DAB1: variants seen among roughly 807,000 people sequenced by gnomAD.
DAB1 encodes disabled homolog 1.
In DAB1, 15 loss-of-function variants were observed where a neutral mutation model predicts 64.6. The ratio of observed to expected loss-of-function variants is 0.23; its 90% CI spans 0.16 to 0.36. The LOEUF is 0.36. Among genes scored for constraint, DAB1 ranks in the 10% least tolerant of loss-of-function variants. The pLI, the probability that DAB1 is intolerant of heterozygous loss-of-function variation, is 1.00. For missense variants in DAB1, 596 were observed against 706.7 expected, an observed-to-expected ratio of 0.84 and a Z score of 1.78; for synonymous variants, 235 against 251.9, an observed-to-expected ratio of 0.93 and a Z score of 0.64.
intron 3 of DAB1, among the ~76,000 whole-genome samples, chr1:58,456,416 G>T (rs1346932794): frequency 6.6e-6 from 1 of 152,200 alleles, no homozygotes; most frequent in Non-Finnish European, 1.5e-5. Flanking sequence ...GATGAAGTAG[G>T]TTCTTTGTAA....
intron 6 of DAB1, among the ~76,000 whole-genome samples, chr1:57,817,932 C>T (rs761450133): frequency 6.6e-6 from 1 of 152,158 alleles, no homozygotes; most frequent in Non-Finnish European, 1.5e-5. Flanking sequence ...TTAGGGAGGG[C>T]TTCAATGCGT....
chr1:57,559,025 A>G (rs1199045090), intron 7 of DAB1, among the ~76,000 whole-genome samples: 4 of 152,190 alleles, frequency 2.6e-5, no homozygotes, highest in African/African-American at 9.6e-5. Flanking sequence ...CAGCTACAAA[A>G]TTTAAATACA....
At chr1:57,115,043 C>A (rs1469713645) in intron 4 of DAB1, among the ~76,000 whole-genome samples, 1 of 152,162 alleles carries the variant, frequency 6.6e-6, no homozygotes, top group Non-Finnish European at 1.5e-5. Context: ...ATCCTCAACA[C>A]ACCCTAGTGC....
At chr1:58,458,830 CA>C (rs763488719) in intron 3 of DAB1, among the ~76,000 whole-genome samples, 3,554 of 142,978 alleles carry the variant, frequency 0.025, 125 homozygotes, top group African/African-American at 0.08. Flanking sequence ...AACAAACAAA[CA>C]AAAAAAAAAA....
intron 1 of DAB1, chr1:57,880,867 T>G (rs914600240): frequency 6.6e-6 from 1 of 152,214 alleles, no homozygotes; most frequent in African/African-American, 2.4e-5. Context: ...TCTTTTGAAA[T>G]TGTACATTTT....
At chr1:57,885,520 T>C (rs565388514), upstream of DAB1, among the ~76,000 whole-genome samples, 1 of 152,274 alleles carries the variant, frequency 6.6e-6, no homozygotes, top group South Asian at 2.1e-4. Context: ...GAGAGACCAG[T>C]TCTTTCTATT....
At chr1:57,222,988 G>A (rs994717540) in intron 2 of DAB1, among the ~76,000 whole-genome samples, 1 of 152,142 alleles carries the variant, frequency 6.6e-6, no homozygotes, top group Non-Finnish European at 1.5e-5. Context: ...GGTCATTAGG[G>A]CACCTTGCCT....
At chr1:57,375,234 A>G (rs1459455015) in intron 1 of DAB1, among the ~76,000 whole-genome samples, 1 of 152,154 alleles carries the variant, frequency 6.6e-6, no homozygotes, top group Non-Finnish European at 1.5e-5. Context: ...CTCATTGAAA[A>G]TGAGTTCTTA....
intron 6 of DAB1, among the ~76,000 whole-genome samples, chr1:57,784,436 G>A (rs1442105885): frequency 6.6e-6 from 1 of 152,030 alleles, no homozygotes; most frequent in Non-Finnish European, 1.5e-5. Flanking sequence ...TAGGTATCTT[G>A]TACTAAACAG....
intron 7 of DAB1, among the ~76,000 whole-genome samples, chr1:57,576,959 C>T (rs1318676041): frequency 2.0e-5 from 3 of 152,138 alleles, no homozygotes; most frequent in Non-Finnish European, 2.9e-5. Flanking sequence ...CTCACCTCTA[C>T]GTGAACCTGA....
At chr1:58,375,823 T>C (rs1207993077) in intron 3 of DAB1, among the ~76,000 whole-genome samples, 1 of 146,514 alleles carries the variant, frequency 6.8e-6, no homozygotes, top group Admixed American at 6.8e-5. Context: ...GGACTCTTTT[T>C]GGTTGGTAAA....
chr1:57,980,882 T>C (rs1002520919), intron 5 of DAB1, among the ~76,000 whole-genome samples: 6 of 151,470 alleles, frequency 4.0e-5, no homozygotes, highest in East Asian at 1.9e-4. Context: ...ACTCTCTCTC[T>C]CTCTCTACAT....
At chr1:58,485,055 T>A (rs1316016739) in intron 3 of DAB1, among the ~76,000 whole-genome samples, 1 of 151,956 alleles carries the variant, frequency 6.6e-6, no homozygotes, top group African/African-American at 2.4e-5. Flanking sequence ...TGGGTGATAA[T>A]GATGGGTCAA....
intron 3 of DAB1, among the ~76,000 whole-genome samples, chr1:58,419,265 G>A (rs896710315): frequency 6.6e-6 from 1 of 152,172 alleles, no homozygotes; most frequent in African/African-American, 2.4e-5. Context: ...TAAGAAGTAT[G>A]AAACCATAAG....
At chr1:57,477,325 C>G (rs988322840) in intron 7 of DAB1, among the ~76,000 whole-genome samples, 2 of 152,160 alleles carry the variant, frequency 1.3e-5, no homozygotes, top group African/African-American at 4.8e-5. Context: ...ACAATACTTA[C>G]CCTGTTTATA....
chr1:57,705,874 G>GTTTTTTTTTTT (rs11375591), intron 6 of DAB1, among the ~76,000 whole-genome samples: 2 of 144,768 alleles, frequency 1.4e-5, no homozygotes, highest in African/African-American at 2.5e-5. Context: ...CAATACTAGG[G>GTTTTTTTTTTT]TTTTTTTTTT....
chr1:57,385,306 G>A (rs1340895923), intron 1 of DAB1, among the ~76,000 whole-genome samples: 1 of 152,206 alleles, frequency 6.6e-6, no homozygotes, highest in African/African-American at 2.4e-5. Context: ...ATTTGTATTA[G>A]CTCCTTTTAC....
intron 2 of DAB1, among the ~76,000 whole-genome samples, chr1:57,197,382 C>G (rs1029137816): frequency 6.6e-6 from 1 of 151,556 alleles, no homozygotes; most frequent in African/African-American, 2.4e-5. Flanking sequence ...AAAACTTGAC[C>G]GAAACCACAT....
intron 2 of DAB1, among the ~76,000 whole-genome samples, chr1:57,183,962 T>C (rs556681797): frequency 5.3e-5 from 8 of 152,254 alleles, no homozygotes; most frequent in Admixed American, 1.3e-4. Context: ...GTAGACAAGA[T>C]TGATGTTGGG....
Sources: allele counts gnomAD v4.1 joint callset (sites outside exome capture counted in the v4.1 genomes callset), GRCh38; gene constraint gnomAD v4.1.1; transcripts MANE v1.5; gene names NCBI Gene and HGNC (gene_info 2026-07-23, HGNC 2026-07-21).